The following COL22A1 variants were observed in gnomAD, a reference collection of about 807,000 sequenced individuals.
COL22A1 encodes collagen type XXII alpha 1 chain, also known as collagen alpha-1(XXII) chain.
Under a neutral mutation model 248.9 loss-of-function variants are expected in COL22A1, and 221 were observed. That is an observed-to-expected ratio of 0.89 (90% CI 0.80 to 0.99). The LOEUF is 0.99. COL22A1 is among the 50% of genes least tolerant of loss of function. The pLI is 0.00. For synonymous variants in COL22A1, 891 were observed against 793.4 expected, an observed-to-expected ratio of 1.12 and a Z score of -2.07; for missense variants, 2,240 against 2,179.0, an observed-to-expected ratio of 1.03 and a Z score of -0.56.
chr8:138,633,583 A>T (rs1820904514), intron 49 of COL22A1, among the ~76,000 whole-genome samples: 1 of 152,228 alleles, frequency 6.6e-6, no homozygotes, highest in African/African-American at 2.4e-5. Flanking sequence ...TAGGAAGCTA[A>T]TGTCATCATA....
intron 23 of COL22A1, among the ~76,000 whole-genome samples, chr8:138,726,029 T>C (rs1158715930): frequency 3.3e-5 from 5 of 152,202 alleles, no homozygotes; most frequent in African/African-American, 1.2e-4. Context: ...ATGTAGATTC[T>C]TGTGCTATTT....
intron 44 of COL22A1, among the ~76,000 whole-genome samples, chr8:138,660,162 G>C (rs1823684517): frequency 6.6e-6 from 1 of 152,228 alleles, no homozygotes; most frequent in Non-Finnish European, 1.5e-5. Flanking sequence ...CAAGCCTTCT[G>C]ACAGCGGTGT....
At chr8:138,674,170 G>C (rs944781324) in intron 41 of COL22A1, among the ~76,000 whole-genome samples, 1 of 152,180 alleles carries the variant, frequency 6.6e-6, no homozygotes, top group African/African-American at 2.4e-5. Context: ...TGGGATCCCA[G>C]CCTTAACCAA....
At chr8:138,694,135 T>C (rs984101190) in intron 34 of COL22A1, among the ~76,000 whole-genome samples, 1 of 152,162 alleles carries the variant, frequency 6.6e-6, no homozygotes, top group African/African-American at 2.4e-5. Context: ...TGCCACTCCA[T>C]GACTGGGATC....
At chr8:138,862,360 C>G (rs910493801) in intron 3 of COL22A1, among the ~76,000 whole-genome samples, 1 of 152,220 alleles carries the variant, frequency 6.6e-6, no homozygotes, top group Middle Eastern at 3.2e-3. Flanking sequence ...GTGCCCCACT[C>G]CAGTCCTCTA....
intron 60 of COL22A1, among the ~76,000 whole-genome samples, chr8:138,599,963 G>C (rs914918436): frequency 6.6e-6 from 1 of 152,148 alleles, no homozygotes; most frequent in African/African-American, 2.4e-5. Context: ...TTGCTCTCTA[G>C]AGAGACAGTG....
At chr8:138,663,107 G>A (rs765308101) in intron 42 of COL22A1, among the ~76,000 whole-genome samples, 1 of 152,004 alleles carries the variant, frequency 6.6e-6, no homozygotes, top group Non-Finnish European at 1.5e-5. Flanking sequence ...CATGGCATAA[G>A]ATACAATATC....
intron 16 of COL22A1, among the ~76,000 whole-genome samples, chr8:138,767,585 T>A (rs1834008477): frequency 6.6e-6 from 1 of 152,242 alleles, no homozygotes; most frequent in Non-Finnish European, 1.5e-5. Context: ...GAAAGAGGAC[T>A]GGACCTCTGC....
At chr8:138,695,350 C>T (rs1469009517) in intron 32 of COL22A1, among the ~76,000 whole-genome samples, 1 of 152,132 alleles carries the variant, frequency 6.6e-6, no homozygotes, top group Non-Finnish European at 1.5e-5. Context: ...TTCTCTCTCT[C>T]CCTCCCTTCC....
Position 138,707,031 on chromosome 8 carries a change from A to G in COL22A1, c.2518-3684T>C, listed in dbSNP as rs566122483. 1.6e-4 allele frequency among the ~76,000 whole-genome samples: 25 copies of G among 152,348 alleles called. No individual in the cohort carries two copies. The East Asian group carries it at 4.4e-3, about 27-fold the overall frequency. Reference sequence around the variant, plus strand: ...CACTTCTATGCAGATAAACTAGAAAATCTAGAAGAAATGGATAAACTCCTG... The same window carrying G: ...CACTTCTATGCAGATAAACTAGAAAGTCTAGAAGAAATGGATAAACTCCTG... On this transcript the variant is annotated intron_variant, in intron 30 of 64. Transcript: ENST00000303045.
chr8:138,658,170 T>A (rs1224848661), intron 44 of COL22A1, among the ~76,000 whole-genome samples: 1 of 152,122 alleles, frequency 6.6e-6, no homozygotes, highest in East Asian at 1.9e-4. Flanking sequence ...GGTCACTCTC[T>A]CCACCCACTG....
chr8:138,773,927 C>A (rs760406700), intron 16 of COL22A1, among the ~76,000 whole-genome samples: 4 of 152,172 alleles, frequency 2.6e-5, no homozygotes, highest in Non-Finnish European at 5.9e-5. Context: ...TCCTCAAACC[C>A]CACTCTCCGC....
At chr8:138,857,580 C>T (rs187423543) in intron 3 of COL22A1, among the ~76,000 whole-genome samples, 5 of 152,324 alleles carry the variant, frequency 3.3e-5, no homozygotes, top group African/African-American at 9.6e-5. Flanking sequence ...TCCTGCTCCT[C>T]GAATCTGCCA....
chr8:138,808,909 G>C (rs1200843801), intron 9 of COL22A1, among the ~76,000 whole-genome samples: 1 of 152,238 alleles, frequency 6.6e-6, no homozygotes, highest in East Asian at 1.9e-4. Context: ...TTTGCTTATA[G>C]AGATGCAACA....
chr8:138,794,432 A>G (rs1816325544), intron 12 of COL22A1, among the ~76,000 whole-genome samples: 1 of 152,056 alleles, frequency 6.6e-6, no homozygotes, highest in African/African-American at 2.4e-5. Flanking sequence ...GGGAACGCAG[A>G]TGGTCTCACC....
chr8:138,698,260 C>T (rs1428864762), intron 32 of COL22A1, among the ~76,000 whole-genome samples: 1 of 152,314 alleles, frequency 6.6e-6, no homozygotes, highest in East Asian at 1.9e-4. Flanking sequence ...TTGCACAGGA[C>T]AGCCAGCCGG....
At chr8:138,663,643 G>T in intron 42 of COL22A1, 62 bp downstream of exon 42, 3 of 1,305,530 alleles carry the variant, frequency 2.3e-6, no homozygotes, top group South Asian at 1.2e-5. Flanking sequence ...ATTTAAAACT[G>T]CTTTGATTCG....
intron 44 of COL22A1, among the ~76,000 whole-genome samples, chr8:138,657,820 A>G (rs932912680): frequency 1.3e-5 from 2 of 152,170 alleles, no homozygotes; most frequent in African/African-American, 4.8e-5. Context: ...CTGGTTATAC[A>G]GCCGATAACT....
At chr8:138,686,482 C>T (rs1826362360) in intron 37 of COL22A1, among the ~76,000 whole-genome samples, 1 of 152,200 alleles carries the variant, frequency 6.6e-6, no homozygotes, top group Non-Finnish European at 1.5e-5. Context: ...ATATGCAAAG[C>T]AAGGATGGAG....
Sources: allele counts gnomAD v4.1 joint callset (sites outside exome capture counted in the v4.1 genomes callset), GRCh38; gene constraint gnomAD v4.1.1; transcripts MANE v1.5; gene names NCBI Gene and HGNC (gene_info 2026-07-23, HGNC 2026-07-21).